The following NALCN variants were observed in gnomAD, a reference collection of about 807,000 sequenced individuals.
The protein encoded by NALCN is sodium leak channel NALCN.
NALCN carries 111 observed loss-of-function variants against 225.3 expected under a neutral mutation model. The ratio of observed to expected loss-of-function variants is 0.49; its 90% CI spans 0.42 to 0.58. NALCN has a LOEUF of 0.58. Ranked by LOEUF, NALCN falls within the 20% of genes least tolerant of loss-of-function variation. NALCN has a pLI of 0.00. For missense variants in NALCN, 1,378 were observed against 2,202.4 expected, an observed-to-expected ratio of 0.63 and a Z score of 7.49; for synonymous variants, 764 against 769.0, an observed-to-expected ratio of 0.99 and a Z score of 0.11.
At chr13:101,082,709 T>C in intron 33 of NALCN, 100 bp downstream of exon 33, 2 of 1,233,932 alleles carry the variant, frequency 1.6e-6, no homozygotes, top group South Asian at 1.2e-5. Context: ...TCAAAGGCAA[T>C]GGAACACAGA....
chr13:101,097,223 T>C (rs967854849), intron 27 of NALCN, among the ~76,000 whole-genome samples: 7 of 152,214 alleles, frequency 4.6e-5, no homozygotes, highest in African/African-American at 7.2e-5. Flanking sequence ...TTACCCACAA[T>C]TGCCACAGAC....
intron 7 of NALCN, among the ~76,000 whole-genome samples, chr13:101,294,119 A>G (rs896467540): frequency 5.3e-5 from 8 of 152,232 alleles, no homozygotes; most frequent in African/African-American, 1.9e-4. Context: ...CCAGAAATTG[A>G]ACCCATATCA....
At chr13:101,272,943 AT>A (rs2042845135) in intron 10 of NALCN, among the ~76,000 whole-genome samples, 2 of 152,220 alleles carry the variant, frequency 1.3e-5, no homozygotes, top group South Asian at 4.1e-4. Flanking sequence ...TTCAAAGAGC[AT>A]TAAAACACTG....
intron 14 of NALCN, among the ~76,000 whole-genome samples, chr13:101,190,438 A>G (rs1179695844): frequency 9.9e-5 from 15 of 152,236 alleles, no homozygotes; most frequent in Admixed American, 7.9e-4. Flanking sequence ...CCTGGAAGGG[A>G]AGATGCAAAG....
At chr13:101,219,268 A>T (rs1367897533) in intron 13 of NALCN, among the ~76,000 whole-genome samples, 1 of 152,174 alleles carries the variant, frequency 6.6e-6, no homozygotes, top group South Asian at 2.1e-4. Context: ...CTTGCAGCCA[A>T]AGTGTTTGCA....
At chr13:101,129,022 C>T (rs1294370003) in intron 17 of NALCN, among the ~76,000 whole-genome samples, 2 of 152,204 alleles carry the variant, frequency 1.3e-5, no homozygotes, top group African/African-American at 4.8e-5. Flanking sequence ...TCAGATTCTT[C>T]CATCGAAAGG....
intron 17 of NALCN, among the ~76,000 whole-genome samples, chr13:101,131,653 T>C (rs898687606): frequency 3.3e-5 from 5 of 152,178 alleles, no homozygotes; most frequent in East Asian, 1.9e-4. Context: ...TCCATGAACA[T>C]TGGACGCTCT....
chr13:101,144,060 TAACCCCCCA>T (rs1277213416), intron 16 of NALCN, among the ~76,000 whole-genome samples: 2 of 152,244 alleles, frequency 1.3e-5, no homozygotes, highest in African/African-American at 4.8e-5. Flanking sequence ...CATACTTTTA[TAACCCCCCA>T]CAGAATTATT....
chr13:101,192,176 G>A (rs567776865), intron 13 of NALCN, 122 bp from the exon 14 acceptor site: 18 of 1,064,976 alleles, frequency 1.7e-5, no homozygotes, highest in Non-Finnish European at 2.2e-5. Flanking sequence ...ATCAGGGCAA[G>A]AACAGTCTTG....
intron 17 of NALCN, among the ~76,000 whole-genome samples, chr13:101,137,373 TTCTCTCTC>T (rs144925380): frequency 0.023 from 3,382 of 150,298 alleles, 46 homozygotes; most frequent in Middle Eastern, 0.073. Flanking sequence ...CATTTGTTCA[TTCTCTCTC>T]TCTCTCTCTC....
intron 6 of NALCN, among the ~76,000 whole-genome samples, chr13:101,365,526 T>A (rs546459526): frequency 6.6e-5 from 10 of 152,270 alleles, no homozygotes; most frequent in Admixed American, 2.0e-4. Context: ...TTTTAATGTA[T>A]TTATTTTAAT....
intron 27 of NALCN, among the ~76,000 whole-genome samples, chr13:101,096,441 A>C (rs946677593): frequency 2.6e-5 from 4 of 152,208 alleles, no homozygotes; most frequent in African/African-American, 9.7e-5. Context: ...ATCCTTGAAA[A>C]TATTATGCTA....
intron 7 of NALCN, among the ~76,000 whole-genome samples, chr13:101,307,058 G>C (rs1275473489): frequency 6.6e-6 from 1 of 152,206 alleles, no homozygotes; most frequent in Non-Finnish European, 1.5e-5. Flanking sequence ...ATAGACATGA[G>C]CATCTTGTTT....
At position 101,294,039 on chromosome 13, in the gene NALCN, T is replaced by C. The variant is rs555298210; in HGVS notation, c.800-1673A>G. On this transcript the variant is annotated intron_variant, in intron 7 of 43. Coordinates refer to ENST00000251127, the MANE Select transcript of NALCN (RefSeq NM_052867.4). ...TGGGGATGAGGGCAGATATTATCAATACCATCTTACAGAAAAGAAAAGTGA... is the reference window on the plus strand; with the variant it reads ...TGGGGATGAGGGCAGATATTATCAACACCATCTTACAGAAAAGAAAAGTGA... Among the ~76,000 whole-genome samples the C allele has an allele frequency of 3.9e-5, 6 of 152,236 alleles. No individual in the cohort carries two copies. The South Asian group carries it at 1.2e-3, about 32-fold the overall frequency.
intron 13 of NALCN, among the ~76,000 whole-genome samples, chr13:101,216,044 C>T (rs567885968): frequency 1.3e-5 from 2 of 152,104 alleles, no homozygotes; most frequent in South Asian, 2.1e-4. Flanking sequence ...TATGGACACT[C>T]GTGCGGAGAT....
intron 11 of NALCN, among the ~76,000 whole-genome samples, chr13:101,238,461 T>C (rs2041644172): frequency 6.6e-6 from 1 of 151,948 alleles, no homozygotes; most frequent in South Asian, 2.1e-4. Flanking sequence ...ATCAATATGT[T>C]ACTTTAATAT....
At chr13:101,359,611 A>T (rs1224815871) in intron 6 of NALCN, among the ~76,000 whole-genome samples, 1 of 152,148 alleles carries the variant, frequency 6.6e-6, no homozygotes, top group African/African-American at 2.4e-5. Flanking sequence ...ATTATTAGGT[A>T]TCTTTATGCA....
chr13:101,244,174 CA>C (rs11453883), intron 11 of NALCN, among the ~76,000 whole-genome samples: 4 of 147,716 alleles, frequency 2.7e-5, no homozygotes, highest in East Asian at 2.0e-4. Context: ...ATTTTCATTC[CA>C]AAAAAAAAGA....
chr13:101,123,981 A>G (rs1457168253), intron 18 of NALCN, among the ~76,000 whole-genome samples: 2 of 152,170 alleles, frequency 1.3e-5, no homozygotes, highest in African/African-American at 4.8e-5. Context: ...TCATCTACAT[A>G]TGTCTATGTA....
Sources: gnomAD v4.1 joint callset for allele counts (sites outside exome capture counted in the v4.1 genomes callset) on GRCh38, gnomAD v4.1.1 for gene constraint, MANE v1.5 for transcripts, NCBI Gene and HGNC (gene_info 2026-07-23, HGNC 2026-07-21) for gene names.